TMEM131: variants seen among roughly 807,000 people sequenced by gnomAD.
TMEM131 encodes transmembrane protein 131.
Under a neutral mutation model 211.6 loss-of-function variants are expected in TMEM131, and 66 were observed. That is an observed-to-expected ratio of 0.31 (90% CI 0.26 to 0.38). The LOEUF (loss-of-function observed/expected upper bound fraction) is 0.38, where lower values mean the gene tolerates loss of function less well. TMEM131 is among the 10% of genes least tolerant of loss of function. The probability of loss-of-function intolerance (pLI) is 1.00; values close to 1 mark genes in which losing one functional copy is unlikely to be tolerated. For synonymous variants in TMEM131, 844 were observed against 841.3 expected (o/e 1.00, Z -0.06); for missense variants, 2,036 against 2,299.3 (o/e 0.89, Z 2.34).
At chr2:97,805,350 TGAGA>T in intron 21 of TMEM131, 22 bp downstream of exon 21, 1 of 1,608,942 alleles carries the variant, frequency 6.2e-7, no homozygotes, top group Admixed American at 1.7e-5. Context: ...AGTGAAGACA[TGAGA>T]GAGAACAGCA....
At chr2:97,918,873 T>C (rs1676622026) in intron 2 of TMEM131, among the ~76,000 whole-genome samples, 1 of 152,124 alleles carries the variant, frequency 6.6e-6, no homozygotes, top group African/African-American at 2.4e-5. Flanking sequence ...TCACTTAAAG[T>C]CTCTTTTGTA....
chr2:97,949,694 C>A (rs1457275883), intron 1 of TMEM131, among the ~76,000 whole-genome samples: 4 of 151,250 alleles, frequency 2.6e-5, no homozygotes, highest in African/African-American at 9.7e-5. Context: ...GTGGCGGGCA[C>A]CTGTAATCCC....
At chr2:97,757,488 C>A (rs978711394) in intron 40 of TMEM131, 105 bp from the exon 41 acceptor site, 2 of 1,292,666 alleles carry the variant, frequency 1.5e-6, no homozygotes. Flanking sequence ...ACGCATTCCT[C>A]TTACTTTGTT....
chr2:97,990,971 T>A (rs1300150472), intron 1 of TMEM131, among the ~76,000 whole-genome samples: 1 of 152,216 alleles, frequency 6.6e-6, no homozygotes, highest in Non-Finnish European at 1.5e-5. Context: ...ATAGAACATG[T>A]GACTATGAAA....
At chr2:97,920,015 CG>C (rs1676675960) in intron 2 of TMEM131, among the ~76,000 whole-genome samples, 1 of 152,212 alleles carries the variant, frequency 6.6e-6, no homozygotes, top group African/African-American at 2.4e-5. Flanking sequence ...GGTAAGGCCA[CG>C]TTCTTCTTGG....
intron 29 of TMEM131, 130 bp downstream of exon 29, chr2:97,794,800 G>T: frequency 1.5e-6 from 1 of 685,046 alleles, no homozygotes. Flanking sequence ...CTGTGAGATT[G>T]ATAAAGGCAG....
At chr2:97,947,258 T>G (rs921283634) in intron 1 of TMEM131, among the ~76,000 whole-genome samples, 1 of 152,016 alleles carries the variant, frequency 6.6e-6, no homozygotes, top group East Asian at 1.9e-4. Flanking sequence ...AAAAAAAAAG[T>G]ATGTAGACTG....
intron 4 of TMEM131, among the ~76,000 whole-genome samples, chr2:97,881,083 C>T (rs952981893): frequency 3.3e-5 from 5 of 152,120 alleles, no homozygotes; most frequent in South Asian, 2.1e-4. Flanking sequence ...AGGTTCTTTC[C>T]ATCTTTCCAC....
intron 15 of TMEM131, 34 bp downstream of exon 15, chr2:97,813,937 G>A: frequency 6.8e-7 from 1 of 1,479,514 alleles, no homozygotes. Context: ...GGTGGGCAGG[G>A]AGTTTAAATG....
intron 2 of TMEM131, among the ~76,000 whole-genome samples, chr2:97,921,384 A>G (rs1676733586): frequency 6.6e-6 from 1 of 152,236 alleles, no homozygotes; most frequent in Non-Finnish European, 1.5e-5. Flanking sequence ...TGTGAAAGGC[A>G]AAACAGTAAA....
intron 39 of TMEM131, chr2:97,759,440 T>G (rs982191267): frequency 3.5e-6 from 2 of 567,564 alleles, no homozygotes; most frequent in Non-Finnish European, 6.3e-6. Context: ...CCAACTGGTG[T>G]GCGCACACCG....
chr2:97,900,759 GTTCTA>G (rs1675820847), intron 3 of TMEM131, among the ~76,000 whole-genome samples: 1 of 152,050 alleles, frequency 6.6e-6, no homozygotes. Flanking sequence ...TCACATAGCA[GTTCTA>G]TTTTTAATTT....
At chr2:97,965,193 T>C (rs771082079) in intron 1 of TMEM131, among the ~76,000 whole-genome samples, 4 of 152,208 alleles carry the variant, frequency 2.6e-5, no homozygotes, top group African/African-American at 7.2e-5. Flanking sequence ...TTAAGCCGTT[T>C]AGACACACGC....
chr2:97,971,061 T>G (rs190495250), intron 1 of TMEM131, among the ~76,000 whole-genome samples: 1 of 152,222 alleles, frequency 6.6e-6, no homozygotes. Context: ...TCAATAATTA[T>G]TTAAACATAT....
chr2:97,884,341 A>G (rs1156474795), intron 4 of TMEM131, among the ~76,000 whole-genome samples: 1 of 152,234 alleles, frequency 6.6e-6, no homozygotes, highest in African/African-American at 2.4e-5. Flanking sequence ...GTGTCCTAAC[A>G]TACGATCAAT....
chr2:97,893,351 C>T (rs1675465346), intron 3 of TMEM131, among the ~76,000 whole-genome samples: 1 of 152,132 alleles, frequency 6.6e-6, no homozygotes. Flanking sequence ...GTAATAAACA[C>T]ATGTGTGCAT....
chr2:97,979,633 G>C (rs1573645972), intron 1 of TMEM131, among the ~76,000 whole-genome samples: 1 of 138,348 alleles, frequency 7.2e-6, no homozygotes, highest in Non-Finnish European at 1.6e-5. Flanking sequence ...AGTCTTCATA[G>C]AACTGAAGAG....
At chr2:97,965,728 G>A (rs1392406759) in intron 1 of TMEM131, among the ~76,000 whole-genome samples, 4 of 151,808 alleles carry the variant, frequency 2.6e-5, no homozygotes, top group East Asian at 1.9e-4. Flanking sequence ...GAAAATTACT[G>A]CTCCTAAAAA....
At chr2:97,810,657 G>A (rs186731456) in intron 18 of TMEM131, among the ~76,000 whole-genome samples, 8 of 152,228 alleles carry the variant, frequency 5.3e-5, no homozygotes, top group African/African-American at 1.9e-4. Flanking sequence ...TTAATTAAAA[G>A]CTTAGTAACC....
Sources: allele counts gnomAD v4.1 joint callset (sites outside exome capture counted in the v4.1 genomes callset), GRCh38; gene constraint gnomAD v4.1.1; transcripts MANE v1.5; gene names NCBI Gene and HGNC (gene_info 2026-07-23, HGNC 2026-07-21).